RNF38: variants seen among roughly 807,000 people sequenced by gnomAD.
RNF38 encodes ring finger protein 38, also known as E3 ubiquitin-protein ligase RNF38.
In RNF38, 15 loss-of-function variants were observed where a neutral mutation model predicts 67.2. The ratio of observed to expected loss-of-function variants is 0.22; its 90% CI spans 0.15 to 0.34. The LOEUF is 0.34. Among genes scored for constraint, RNF38 ranks in the 10% least tolerant of loss-of-function variants. The probability of loss-of-function intolerance (pLI) is 1.00; values close to 1 mark genes in which losing one functional copy is unlikely to be tolerated. For synonymous variants in RNF38, 220 were observed against 218.8 expected, an observed-to-expected ratio of 1.01 and a Z score of -0.05; for missense variants, 524 against 639.9, an observed-to-expected ratio of 0.82 and a Z score of 1.95.
At chr9:36,444,642 A>C (rs1464247375) in intron 1 of RNF38, among the ~76,000 whole-genome samples, 1 of 152,154 alleles carries the variant, frequency 6.6e-6, no homozygotes, top group South Asian at 2.1e-4. Context: ...TCTACCAAAA[A>C]TACAAAAATT....
chr9:36,445,602 A>G (rs960702243), intron 1 of RNF38, among the ~76,000 whole-genome samples: 1 of 152,206 alleles, frequency 6.6e-6, no homozygotes, highest in Non-Finnish European at 1.5e-5. Flanking sequence ...AGTCCATGCT[A>G]AGACAGGGGA....
rs1372137635 is a variant in RNF38 at position 36,423,966 on chromosome 9, A to AG, written n.312+646_312+647insC. On this transcript the variant is annotated intron_variant and non_coding_transcript_variant, in intron 2 of 3. Transcript: ENST00000488058. ...TCCGTCTCAAAAAAAAAAAAAAAAA[A>AG]AAAAAAAGAAAAGCCCCCCCTAGAG... is the stretch of plus-strand genomic sequence containing the variant. Among the ~76,000 whole-genome samples, 2 of 25,104 alleles carry AG rather than the reference A, an allele frequency of 8.0e-5. 1 individual carries two copies. Among genetic ancestry groups the AG allele is most frequent in the African/African-American group, 2.6e-4 (2 of 7,824 alleles). The allele number at this position is 25,104 out of a possible 152,430, so 16.5% of individuals were successfully genotyped here. A position where few individuals can be genotyped will look rare whatever the true frequency, so the allele number is the denominator to read the frequency against.
At chr9:36,352,976 T>C (rs1182139367) in intron 7 of RNF38, 128 bp from the exon 8 acceptor site, 5 of 814,918 alleles carry the variant, frequency 6.1e-6, no homozygotes, top group Non-Finnish European at 9.8e-6. Context: ...TAATATTCCT[T>C]AAATACTAAC....
chr9:36,391,130 G>C (rs1213354030), intron 1 of RNF38, among the ~76,000 whole-genome samples: 1 of 152,068 alleles, frequency 6.6e-6, no homozygotes, highest in Non-Finnish European at 1.5e-5. Context: ...AGAAATCTCA[G>C]CTCTATTCAA....
At chr9:36,458,539 C>A (rs926621710) in intron 1 of RNF38, among the ~76,000 whole-genome samples, 1 of 151,694 alleles carries the variant, frequency 6.6e-6, no homozygotes, top group South Asian at 2.1e-4. Flanking sequence ...ACCACAAACC[C>A]ACCGGGAGGA....
intron 4 of RNF38, among the ~76,000 whole-genome samples, chr9:36,365,822 T>C (rs942026290): frequency 2.0e-5 from 3 of 151,418 alleles, no homozygotes; most frequent in African/African-American, 7.3e-5. Flanking sequence ...CGCGCCACCA[T>C]GCCCAGCTAA....
At position 36,400,249 on chromosome 9, in the gene RNF38, A is replaced by G; in HGVS notation, c.-141T>C. ...GAGAACAAAACGCAGCCTATCCAGA[A>G]ACCCACGGAAGCAGAAGGACGCCAG... On this transcript the variant is annotated 5_prime_UTR_variant, in exon 1 of 12. Coordinates refer to ENST00000259605, the MANE Select transcript of RNF38 (RefSeq NM_022781.5). 2 of 1,385,046 alleles carry G rather than the reference A, an allele frequency of 1.4e-6. No homozygotes were observed. The highest frequency in any genetic ancestry group is 1.9e-6 in the Non-Finnish European group (2 of 1,064,412). 85.8% of individuals were successfully genotyped at this position (1,385,046 alleles called of 1,614,324 possible).
At chr9:36,381,800 CTG>C (rs554926065) in intron 2 of RNF38, among the ~76,000 whole-genome samples, 1 of 152,230 alleles carries the variant, frequency 6.6e-6, no homozygotes, top group Non-Finnish European at 1.5e-5. Flanking sequence ...CTCCCTAAAA[CTG>C]TAATTCGACT....
chr9:36,462,829 C>T (rs1839765800), intron 1 of RNF38, among the ~76,000 whole-genome samples: 1 of 151,978 alleles, frequency 6.6e-6, no homozygotes, highest in South Asian at 2.1e-4. Flanking sequence ...CGGGCACCAC[C>T]ACACCTGGCT....
At chr9:36,354,691 C>T (rs1833966358) in intron 6 of RNF38, among the ~76,000 whole-genome samples, 1 of 152,170 alleles carries the variant, frequency 6.6e-6, no homozygotes, top group Non-Finnish European at 1.5e-5. Flanking sequence ...TTTGGATTGT[C>T]CACTCTTTGA....
chr9:36,400,016 A>G, intron 1 of RNF38, 81 bp downstream of exon 1: 1 of 1,271,374 alleles, frequency 7.9e-7, no homozygotes, highest in Non-Finnish European at 1.1e-6. Context: ...GTGTGTTTCT[A>G]CTTACGGTAG....
intron 1 of RNF38, among the ~76,000 whole-genome samples, chr9:36,454,627 G>C (rs1028893276): frequency 8.2e-6 from 1 of 122,026 alleles, no homozygotes; most frequent in Admixed American, 1.1e-4. Context: ...CTGTCGCCCC[G>C]GCTGCAGTGC....
At chr9:36,382,454 A>G (rs984103971) in intron 2 of RNF38, among the ~76,000 whole-genome samples, 3 of 152,234 alleles carry the variant, frequency 2.0e-5, no homozygotes, top group Middle Eastern at 3.2e-3. Flanking sequence ...TGAGGCAGGC[A>G]TAAGAATGCA....
intron 1 of RNF38, among the ~76,000 whole-genome samples, chr9:36,483,165 TCA>T (rs1840319328): frequency 6.6e-6 from 1 of 152,096 alleles, no homozygotes; most frequent in Non-Finnish European, 1.5e-5. Context: ...GGCAGGCTGA[TCA>T]CAGAGGTCAG....
At chr9:36,476,213 C>A (rs1234476318) in intron 1 of RNF38, among the ~76,000 whole-genome samples, 1 of 152,046 alleles carries the variant, frequency 6.6e-6, no homozygotes, top group Non-Finnish European at 1.5e-5. Flanking sequence ...CAACCATGGT[C>A]TCCCGGGTTC....
intron 1 of RNF38, among the ~76,000 whole-genome samples, chr9:36,437,810 G>C (rs981930480): frequency 2.7e-4 from 41 of 152,222 alleles, no homozygotes; most frequent in Non-Finnish European, 1.5e-5. Context: ...AGTCTTAAGA[G>C]GTAGGTCTTA....
At chr9:36,400,502 C>T, upstream of RNF38, 1 of 1,000,558 alleles carries the variant, frequency 1.0e-6, no homozygotes, top group Non-Finnish European at 1.2e-6. Context: ...TCTCAACGGC[C>T]CGCAGCCCGT....
chr9:36,443,123 T>C (rs953904033), intron 1 of RNF38, among the ~76,000 whole-genome samples: 3 of 152,252 alleles, frequency 2.0e-5, no homozygotes, highest in Non-Finnish European at 4.4e-5. Context: ...TAAAACGTTA[T>C]TTTTAAGTAT....
intron 8 of RNF38, among the ~76,000 whole-genome samples, 155 bp downstream of exon 8, chr9:36,352,587 T>G (rs1449244475): frequency 6.6e-6 from 1 of 152,204 alleles, no homozygotes; most frequent in East Asian, 1.9e-4. Flanking sequence ...GTTCTTTCTT[T>G]CAGCCTTAAC....
Sources: gnomAD v4.1 joint callset for allele counts (sites outside exome capture counted in the v4.1 genomes callset) on GRCh38, gnomAD v4.1.1 for gene constraint, MANE v1.5 for transcripts, NCBI Gene and HGNC (gene_info 2026-07-23, HGNC 2026-07-21) for gene names.